The following GRK3 variants were observed in gnomAD, a reference collection of about 807,000 sequenced individuals.
GRK3 encodes adrenergic, beta, receptor kinase 2.
In GRK3, 54 loss-of-function variants were observed where a neutral mutation model predicts 95.7. The ratio of observed to expected loss-of-function variants is 0.56; its 90% CI spans 0.45 to 0.71. The LOEUF (loss-of-function observed/expected upper bound fraction) is 0.71. GRK3 is among the 30% of genes least tolerant of loss of function. GRK3 has a pLI of 0.00. For missense variants in GRK3, 649 were observed against 851.2 expected, an observed-to-expected ratio of 0.76 and a Z score of 2.96; for synonymous variants, 281 against 290.8, an observed-to-expected ratio of 0.97 and a Z score of 0.34.
intron 5 of GRK3, 98 bp from the exon 6 acceptor site, chr22:25,667,641 A>C: frequency 1.3e-6 from 1 of 786,142 alleles, no homozygotes; most frequent in South Asian, 1.6e-5. Context: ...TGGGGAGTGC[A>C]TAATTGGGAA....
intron 1 of GRK3, among the ~76,000 whole-genome samples, chr22:25,578,317 G>A (rs1163621002): frequency 6.6e-6 from 1 of 152,174 alleles, no homozygotes; most frequent in African/African-American, 2.4e-5. Flanking sequence ...TCCAAGAAAT[G>A]TGGTGGGCAC....
intron 1 of GRK3, among the ~76,000 whole-genome samples, chr22:25,567,060 G>A (rs1387763803): frequency 2.6e-5 from 4 of 151,892 alleles, no homozygotes; most frequent in African/African-American, 7.3e-5. Context: ...TTGTATGAAT[G>A]CCTTTGTTTT....
chr22:25,620,004 TTTTGTG>T (rs1456973732), intron 2 of GRK3, among the ~76,000 whole-genome samples: 4,536 of 120,484 alleles, frequency 0.038, 310 homozygotes, highest in African/African-American at 0.11. Context: ...CCTTTGTCTT[TTTTGTG>T]TGTGTGTGTG....
At chr22:25,635,645 C>G (rs953556687) in intron 2 of GRK3, among the ~76,000 whole-genome samples, 2 of 152,158 alleles carry the variant, frequency 1.3e-5, no homozygotes, top group African/African-American at 4.8e-5. Flanking sequence ...GGTCAGATGT[C>G]GTGTTGTTCT....
At chr22:25,707,928 T>G (rs2085312646) in intron 15 of GRK3, among the ~76,000 whole-genome samples, 1 of 151,948 alleles carries the variant, frequency 6.6e-6, no homozygotes, top group South Asian at 2.1e-4. Context: ...CAAATGCCAG[T>G]AGCATCCTGA....
chr22:25,718,163 CTG>C, intron 18 of GRK3, 80 bp from the exon 19 acceptor site: 2 of 1,464,956 alleles, frequency 1.4e-6, no homozygotes, highest in Non-Finnish European at 1.9e-6. Flanking sequence ...AAAAGCATGT[CTG>C]TTCTTTTTTC....
At chr22:25,689,730 G>A (rs1046699269) in intron 11 of GRK3, among the ~76,000 whole-genome samples, 15 of 152,204 alleles carry the variant, frequency 9.9e-5, no homozygotes, top group African/African-American at 2.9e-4. Flanking sequence ...TTAGGTCAGT[G>A]TTGATACATT....
intron 7 of GRK3, 116 bp from the exon 8 acceptor site, chr22:25,674,321 A>T: frequency 1.3e-6 from 1 of 779,088 alleles, no homozygotes; most frequent in Non-Finnish European, 2.1e-6. Flanking sequence ...TGAAAAGGGT[A>T]GATCCCTAAG....
At chr22:25,662,733 C>A (rs2146402392) in intron 4 of GRK3, among the ~76,000 whole-genome samples, 1 of 152,252 alleles carries the variant, frequency 6.6e-6, no homozygotes, top group Non-Finnish European at 1.5e-5. Context: ...TTGAAGAATG[C>A]CAGATGTTCA....
At chr22:25,690,157 C>T in intron 11 of GRK3, 32 bp from the exon 12 acceptor site, 1 of 1,561,890 alleles carries the variant, frequency 6.4e-7, no homozygotes, top group African/African-American at 1.4e-5. Context: ...ATTTGGGGCA[C>T]TCTTATTAAA....
intron 1 of GRK3, among the ~76,000 whole-genome samples, chr22:25,589,699 G>T (rs1271582889): frequency 1.3e-5 from 2 of 152,154 alleles, no homozygotes; most frequent in Non-Finnish European, 2.9e-5. Context: ...CCATCACTCG[G>T]CTTTCTCAGT....
chr22:25,572,414 A>T (rs972167442), intron 1 of GRK3, among the ~76,000 whole-genome samples: 6 of 152,162 alleles, frequency 3.9e-5, no homozygotes, highest in Admixed American at 1.3e-4. Flanking sequence ...CTAGTTCTAG[A>T]TCTTTGAGGA....
In GRK3 at chr22:25,565,723, G is replaced by A. The variant is rs1343939780; in HGVS notation, c.113+570G>A. Among the ~76,000 whole-genome samples, 5 of 152,280 alleles carry A rather than the reference G, an allele frequency of 3.3e-5. No homozygotes were observed. The East Asian group carries it at 7.7e-4, about 23-fold the overall frequency. ...ACTTGCTCTTCTTGAAGTCTATTAA[G>A]TCTAGTCACCTTCTTCGGCTTCTCT... On this transcript the variant is annotated intron_variant, in intron 1 of 20. Transcript: ENST00000324198.
chr22:25,619,072 T>A (rs1052904488), intron 2 of GRK3, among the ~76,000 whole-genome samples: 9 of 152,204 alleles, frequency 5.9e-5, no homozygotes, highest in African/African-American at 2.2e-4. Flanking sequence ...ATTTGGCTCT[T>A]GGTGAGAAAA....
chr22:25,615,441 A>AT (rs944591324), intron 2 of GRK3, among the ~76,000 whole-genome samples: 1 of 152,192 alleles, frequency 6.6e-6, no homozygotes, highest in East Asian at 1.9e-4. Context: ...CTGGTTTTAG[A>AT]TTTTTTTGGA....
At position 25,678,881 on chromosome 22, in the gene GRK3, A is replaced by G. The variant is rs760791450; in HGVS notation, c.713A>G (p.Asn238Ser). Reference protein sequence around the residue: ...KMKQGETLALNERIMLSLVST... With the variant: ...KMKQGETLALSERIMLSLVST... ...AAACAAGGAGAAACATTAGCCTTAA[A>G]TGAAAGAATCATGTTGTCTCTTGTC... Residue 238 changes from asparagine (N) to serine (S), a missense_variant, in exon 9 of 21, where the codon AAT (asparagine) becomes AGT (serine). This residue lies in a region of GRK3 where 61 missense variants were observed against 126.0 expected (regional missense o/e 0.48). Transcript: ENST00000324198. 6.2e-7 allele frequency: 1 copy of G among 1,608,754 alleles called. No homozygotes were observed. The highest frequency in any genetic ancestry group is 1.1e-5 in the South Asian group (1 of 90,220).
chr22:25,718,613 A>AC (rs1490333584), intron 19 of GRK3, among the ~76,000 whole-genome samples: 2 of 152,232 alleles, frequency 1.3e-5, no homozygotes, highest in Admixed American at 6.5e-5. Context: ...GGTCAGAAGC[A>AC]CCACATCATC....
intron 3 of GRK3, among the ~76,000 whole-genome samples, chr22:25,650,556 G>T (rs2084823166): frequency 6.6e-6 from 1 of 152,116 alleles, no homozygotes; most frequent in Non-Finnish European, 1.5e-5. Flanking sequence ...CGAAATAGAT[G>T]AACAGAGAGA....
At chr22:25,647,401 G>C in intron 3 of GRK3, 2 of 1,322,438 alleles carry the variant, frequency 1.5e-6, no homozygotes, top group Non-Finnish European at 2.2e-6. Context: ...TCAGCAAAGG[G>C]AACAGCAGTT....
Sources: gnomAD v4.1 joint callset for allele counts (sites outside exome capture counted in the v4.1 genomes callset) on GRCh38, gnomAD v4.1.1 for gene constraint, gnomAD v4.1.1 regional missense constraint, MANE v1.5 for transcripts, NCBI Gene and HGNC (gene_info 2026-07-23, HGNC 2026-07-21) for gene names.